The following BTBD9 variants were observed in gnomAD, a reference collection of about 807,000 sequenced individuals.
The protein encoded by BTBD9 is BTB/POZ domain-containing protein 9.
Under a neutral mutation model 64.3 loss-of-function variants are expected in BTBD9, and 49 were observed. The ratio of observed to expected loss-of-function variants is 0.76; its 90% CI spans 0.61 to 0.97. The LOEUF (loss-of-function observed/expected upper bound fraction) is 0.97, where lower values mean the gene tolerates loss of function less well. Among genes scored for constraint, BTBD9 ranks in the 50% least tolerant of loss-of-function variants. The pLI is 0.00. For missense variants in BTBD9, 598 were observed against 762.1 expected (o/e 0.78, Z 2.53); for synonymous variants, 260 against 274.7 (o/e 0.95, Z 0.53).
intron 9 of BTBD9, among the ~76,000 whole-genome samples, chr6:38,245,926 A>G (rs1267631385): frequency 6.6e-6 from 1 of 152,198 alleles, no homozygotes; most frequent in Non-Finnish European, 1.5e-5. Flanking sequence ...TATAACAGGC[A>G]TGGAAAAAAT....
chr6:38,420,956 C>A (rs1036148447), intron 6 of BTBD9, among the ~76,000 whole-genome samples: 3 of 152,084 alleles, frequency 2.0e-5, no homozygotes, highest in Non-Finnish European at 2.9e-5. Flanking sequence ...AACTTATATG[C>A]ATTTTATAAC....
intron 2 of BTBD9, among the ~76,000 whole-genome samples, chr6:38,595,319 TG>T (rs977391610): frequency 6.6e-6 from 1 of 152,196 alleles, no homozygotes; most frequent in Non-Finnish European, 1.5e-5. Flanking sequence ...AAATTAAAAA[TG>T]AAATTACTGA....
intron 5 of BTBD9, among the ~76,000 whole-genome samples, chr6:38,579,058 T>C (rs1433750857): frequency 1.3e-5 from 2 of 152,200 alleles, no homozygotes; most frequent in Admixed American, 6.5e-5. Context: ...GGAAATGAGA[T>C]ATGTGGATTG....
intron 6 of BTBD9, among the ~76,000 whole-genome samples, chr6:38,450,782 C>T (rs149022006): frequency 6.8e-4 from 104 of 152,296 alleles, no homozygotes; most frequent in African/African-American, 2.4e-3. Context: ...CTGAATCACT[C>T]TCTGGGTTCC....
intron 9 of BTBD9, among the ~76,000 whole-genome samples, chr6:38,197,225 G>T (rs965456483): frequency 1.1e-4 from 16 of 152,166 alleles, no homozygotes; most frequent in Non-Finnish European, 1.8e-4. Context: ...AGGCAGCCAG[G>T]CAATCTGAAT....
At chr6:38,213,964 C>G (rs1762923022) in intron 9 of BTBD9, among the ~76,000 whole-genome samples, 1 of 151,486 alleles carries the variant, frequency 6.6e-6, no homozygotes, top group Non-Finnish European at 1.5e-5. Flanking sequence ...CCACTGCACT[C>G]CAGCCTGGGT....
chr6:38,461,792 G>C (rs189265366), intron 6 of BTBD9, among the ~76,000 whole-genome samples: 1 of 152,348 alleles, frequency 6.6e-6, no homozygotes, highest in East Asian at 1.9e-4. Flanking sequence ...CAGAGCAGCA[G>C]AGTGTTAGAG....
intron 6 of BTBD9, among the ~76,000 whole-genome samples, chr6:38,508,986 C>T (rs898220051): frequency 1.3e-5 from 2 of 152,144 alleles, no homozygotes; most frequent in African/African-American, 4.8e-5. Flanking sequence ...TCTTACCTAC[C>T]CACCTTAGAA....
At chr6:38,209,874 G>T (rs1052099658) in intron 9 of BTBD9, among the ~76,000 whole-genome samples, 3 of 152,194 alleles carry the variant, frequency 2.0e-5, no homozygotes, top group African/African-American at 7.2e-5. Flanking sequence ...AAATGCACTT[G>T]CATCTACTGC....
intron 8 of BTBD9, among the ~76,000 whole-genome samples, chr6:38,283,572 CCAAGAGGT>C (rs1761603664): frequency 6.6e-6 from 1 of 152,106 alleles, no homozygotes; most frequent in Non-Finnish European, 1.5e-5. Flanking sequence ...TTGCTTGAGC[CCAAGAGGT>C]CAAGGCTGCA....
chr6:38,364,999 T>C (rs1765131056), intron 6 of BTBD9, among the ~76,000 whole-genome samples: 2 of 152,300 alleles, frequency 1.3e-5, no homozygotes, highest in East Asian at 1.9e-4. Context: ...TGGGGGAGAC[T>C]GTGAGTAATC....
intron 7 of BTBD9, among the ~76,000 whole-genome samples, chr6:38,290,435 G>A (rs934962724): frequency 6.6e-6 from 1 of 151,974 alleles, no homozygotes; most frequent in Non-Finnish European, 1.5e-5. Flanking sequence ...AGTGGTATAA[G>A]ATGTACAGTA....
At chr6:38,183,094 C>T (rs1040347355) in intron 10 of BTBD9, among the ~76,000 whole-genome samples, 8 of 151,952 alleles carry the variant, frequency 5.3e-5, no homozygotes, top group Non-Finnish European at 1.2e-4. Flanking sequence ...ATTCTCCTGC[C>T]TCAGCCTCCT....
intron 6 of BTBD9, among the ~76,000 whole-genome samples, chr6:38,386,828 AGACAG>A (rs2127619099): frequency 6.6e-6 from 1 of 152,054 alleles, no homozygotes; most frequent in Non-Finnish European, 1.5e-5. Context: ...ACTTTTGTAA[AGACAG>A]GGTTTCACCA....
At chr6:38,478,250 T>C (rs547326018) in intron 6 of BTBD9, among the ~76,000 whole-genome samples, 3 of 152,370 alleles carry the variant, frequency 2.0e-5, no homozygotes, top group African/African-American at 7.2e-5. Context: ...GTTATATATT[T>C]CTGAGTACTG....
intron 10 of BTBD9, among the ~76,000 whole-genome samples, chr6:38,191,371 C>T (rs901679897): frequency 3.9e-5 from 6 of 152,196 alleles, no homozygotes; most frequent in Non-Finnish European, 7.3e-5. Flanking sequence ...GAATCCCAAG[C>T]ACAGGGCCCA....
intron 8 of BTBD9, among the ~76,000 whole-genome samples, chr6:38,282,245 C>T (rs183603392): frequency 6.2e-4 from 94 of 152,184 alleles, no homozygotes; most frequent in African/African-American, 2.2e-3. Context: ...TTCAATTATC[C>T]ACTTTTAAGG....
intron 10 of BTBD9, among the ~76,000 whole-genome samples, chr6:38,192,135 A>G (rs1010437254): frequency 3.3e-5 from 5 of 152,196 alleles, no homozygotes; most frequent in African/African-American, 4.8e-5. Flanking sequence ...CAGGGGAGTG[A>G]TAAGTCTGCA....
At chr6:38,199,747 T>C (rs1457747951) in intron 9 of BTBD9, among the ~76,000 whole-genome samples, 1 of 152,228 alleles carries the variant, frequency 6.6e-6, no homozygotes, top group Non-Finnish European at 1.5e-5. Context: ...ACTAGTGTGC[T>C]GGGCAGGGGT....
Sources: allele counts gnomAD v4.1 joint callset (sites outside exome capture counted in the v4.1 genomes callset), GRCh38; gene constraint gnomAD v4.1.1; transcripts MANE v1.5; gene names NCBI Gene and HGNC (gene_info 2026-07-23, HGNC 2026-07-21).